SPHKAP: variants seen among roughly 807,000 people sequenced by gnomAD.
The protein encoded by SPHKAP is A-kinase anchor protein SPHKAP.
In SPHKAP, 67 loss-of-function variants were observed where a neutral mutation model predicts 137.5. The observed-to-expected ratio is 0.49, with a 90% CI of 0.40 to 0.60. SPHKAP has a LOEUF of 0.60. SPHKAP is among the 20% of genes least tolerant of loss of function. The probability of loss-of-function intolerance (pLI) is 0.00; values close to 1 mark genes in which losing one functional copy is unlikely to be tolerated. For missense variants in SPHKAP, 2,097 were observed against 2,069.3 expected (o/e 1.01, Z -0.26); for synonymous variants, 813 against 785.3 (o/e 1.04, Z -0.59).
intron 1 of SPHKAP, among the ~76,000 whole-genome samples, chr2:228,180,721 C>G (rs146892853): frequency 0.011 from 1,677 of 152,356 alleles, 17 homozygotes; most frequent in Middle Eastern, 0.068. Flanking sequence ...ACCTGCCCGG[C>G]TGGGGGAGCA....
At chr2:228,162,013 C>T (rs906573832) in intron 1 of SPHKAP, among the ~76,000 whole-genome samples, 2 of 152,010 alleles carry the variant, frequency 1.3e-5, no homozygotes, top group Non-Finnish European at 2.9e-5. Context: ...TAATCATGGC[C>T]CAGAGGAAGG....
At chr2:228,093,790 G>A (rs887681097) in intron 3 of SPHKAP, among the ~76,000 whole-genome samples, 3 of 148,224 alleles carry the variant, frequency 2.0e-5, no homozygotes, top group Admixed American at 6.8e-5. Flanking sequence ...CCCGGGAGGC[G>A]GAGAGGTTGC....
intron 3 of SPHKAP, among the ~76,000 whole-genome samples, chr2:228,080,011 C>T (rs141280473): frequency 1.3e-5 from 2 of 152,108 alleles, no homozygotes; most frequent in African/African-American, 4.8e-5. Context: ...AAATGTAAGA[C>T]CTAAAACTGT....
intron 1 of SPHKAP, among the ~76,000 whole-genome samples, chr2:228,146,215 T>C (rs1397647332): frequency 6.6e-6 from 1 of 152,154 alleles, no homozygotes; most frequent in Non-Finnish European, 1.5e-5. Flanking sequence ...TCCCCAGCCA[T>C]AGTGGTACAT....
At chr2:228,001,360 T>C (rs922075185) in intron 7 of SPHKAP, among the ~76,000 whole-genome samples, 7 of 143,538 alleles carry the variant, frequency 4.9e-5, no homozygotes, top group African/African-American at 1.5e-4. Flanking sequence ...CATATATAAA[T>C]ATATACACAC....
intron 3 of SPHKAP, among the ~76,000 whole-genome samples, chr2:228,098,409 A>G (rs1698067301): frequency 6.6e-6 from 1 of 152,212 alleles, no homozygotes; most frequent in Non-Finnish European, 1.5e-5. Flanking sequence ...TGGCACATAT[A>G]CACCATGGAA....
chr2:228,002,350 T>C (rs1015062110), intron 7 of SPHKAP, among the ~76,000 whole-genome samples: 3 of 152,248 alleles, frequency 2.0e-5, no homozygotes, highest in Admixed American at 6.5e-5. Flanking sequence ...ACGTGTCTGT[T>C]GGCTGCATAA....
rs1692994965 is a variant in SPHKAP, at chr2:227,981,581, T to C, written c.*136A>G. The C allele has an allele frequency of 1.7e-6, 2 of 1,165,102 alleles. No homozygotes were observed. The highest frequency in any genetic ancestry group is 1.6e-5 in the African/African-American group (1 of 63,328). 72.2% of individuals were successfully genotyped at this position (1,165,102 alleles called of 1,614,324 possible). On this transcript the variant is annotated 3_prime_UTR_variant, in exon 12 of 12. Coordinates refer to ENST00000392056, the MANE Select transcript of SPHKAP (RefSeq NM_001142644.2). ...TCTGACTTATTCTGTATGCAGTGGA[T>C]CTGAGTAGCAGATTTTTTTTTATAG...
chr2:228,024,494 T>C (rs1286322925), intron 5 of SPHKAP, among the ~76,000 whole-genome samples: 1 of 152,148 alleles, frequency 6.6e-6, no homozygotes, highest in African/African-American at 2.4e-5. Context: ...TGTTAGTAGC[T>C]ACAAAGTCAG....
chr2:228,065,495 G>A (rs1013980495), intron 3 of SPHKAP, among the ~76,000 whole-genome samples: 58 of 152,290 alleles, frequency 3.8e-4, no homozygotes, highest in African/African-American at 1.2e-3. Context: ...AGTGGAGACC[G>A]CAAGTCTAAA....
intron 11 of SPHKAP, among the ~76,000 whole-genome samples, chr2:227,987,528 G>A (rs754750348): frequency 6.6e-6 from 1 of 152,184 alleles, no homozygotes; most frequent in Non-Finnish European, 1.5e-5. Flanking sequence ...CTGAATGTAC[G>A]ATTTTCAGGT....
At chr2:228,162,855 C>T (rs147334842) in intron 1 of SPHKAP, among the ~76,000 whole-genome samples, 2,301 of 150,622 alleles carry the variant, frequency 0.015, 54 homozygotes, top group African/African-American at 0.052. Context: ...TGTGCCACCA[C>T]ACCTGGCTAA....
At chr2:228,059,533 G>C (rs911342757) in intron 3 of SPHKAP, among the ~76,000 whole-genome samples, 11 of 152,314 alleles carry the variant, frequency 7.2e-5, no homozygotes, top group Non-Finnish European at 1.5e-4. Flanking sequence ...GCTATACCAG[G>C]AGAGAGGGAG....
chr2:228,124,586 G>A, intron 2 of SPHKAP, among the ~76,000 whole-genome samples: 1 of 133,756 alleles, frequency 7.5e-6, no homozygotes, highest in East Asian at 2.5e-4. Flanking sequence ...CCTGTCGTGG[G>A]GTGGGGGGAG....
intron 3 of SPHKAP, among the ~76,000 whole-genome samples, chr2:228,041,514 G>A (rs911600189): frequency 3.3e-5 from 5 of 151,826 alleles, no homozygotes; most frequent in Non-Finnish European, 7.4e-5. Context: ...GCGTGGTGGT[G>A]CGTGCCTGTA....
chr2:228,109,280 TTAG>T, intron 2 of SPHKAP: 1 of 751,066 alleles, frequency 1.3e-6, no homozygotes, highest in Non-Finnish European at 1.6e-6. Context: ...CAAATTTCAT[TTAG>T]TGCTAGTGTT....
intron 1 of SPHKAP, among the ~76,000 whole-genome samples, chr2:228,158,787 G>A (rs1334565708): frequency 6.6e-6 from 1 of 152,070 alleles, no homozygotes; most frequent in African/African-American, 2.4e-5. Flanking sequence ...ATTTCAGTCT[G>A]CTCTGCCTTT....
intron 3 of SPHKAP, among the ~76,000 whole-genome samples, chr2:228,102,234 A>G (rs1467893972): frequency 1.4e-5 from 2 of 142,160 alleles, no homozygotes; most frequent in South Asian, 2.2e-4. Flanking sequence ...TTTGTCAAAT[A>G]CATTGCTTAC....
intron 7 of SPHKAP, among the ~76,000 whole-genome samples, chr2:228,004,845 G>A (rs1694063554): frequency 6.6e-6 from 1 of 152,134 alleles, no homozygotes; most frequent in African/African-American, 2.4e-5. Flanking sequence ...ACGTTGTTCA[G>A]TTTCCATGTA....
Sources: gnomAD v4.1 joint callset for allele counts (sites outside exome capture counted in the v4.1 genomes callset) on GRCh38, gnomAD v4.1.1 for gene constraint, MANE v1.5 for transcripts, NCBI Gene and HGNC (gene_info 2026-07-23, HGNC 2026-07-21) for gene names.